Variants in GLIS3 observed in about 807,000 individuals in gnomAD.
GLIS3 encodes the protein zinc finger protein GLIS3.
Under a neutral mutation model 78.6 loss-of-function variants are expected in GLIS3, and 53 were observed. The ratio of observed to expected loss-of-function variants is 0.67; its 90% confidence interval spans 0.54 to 0.85. The LOEUF (loss-of-function observed/expected upper bound fraction) is 0.85. GLIS3 is among the 40% of genes least tolerant of loss of function. The pLI is 0.00. For missense variants in GLIS3, 1,703 were observed against 1,231.1 expected, an observed-to-expected ratio of 1.38 and a Z score of -5.74; for synonymous variants, 684 against 509.9, an observed-to-expected ratio of 1.34 and a Z score of -4.60.
the GLIS3 span, among the ~76,000 whole-genome samples, chr9:4,410,696 C>T: frequency 1.3e-5 from 2 of 152,144 alleles, no homozygotes; most frequent in Non-Finnish European, 2.9e-5. Context: ...GATCAGGGGA[C>T]GTTGTCAAGG....
intron 7 of GLIS3, chr9:3,898,225 A>G (rs773117178): frequency 1.9e-4 from 43 of 228,240 alleles, no homozygotes; most frequent in Non-Finnish European, 3.2e-4. Context: ...CTTTCCCACA[A>G]TGGTTGGCAA....
chr9:4,480,314 C>G, the GLIS3 span, among the ~76,000 whole-genome samples: 2 of 151,552 alleles, frequency 1.3e-5, no homozygotes, highest in Admixed American at 1.3e-4. Context: ...AAATAACCCT[C>G]CCACCTCAGC....
At chr9:3,864,090 C>A (rs906661254) in intron 8 of GLIS3, among the ~76,000 whole-genome samples, 1 of 151,994 alleles carries the variant, frequency 6.6e-6, no homozygotes, top group Non-Finnish European at 1.5e-5. Context: ...AAGCACCAAA[C>A]TGAAGAAAAT....
chr9:4,382,510 G>A, the GLIS3 span, among the ~76,000 whole-genome samples: 2 of 152,074 alleles, frequency 1.3e-5, no homozygotes, highest in Non-Finnish European at 2.9e-5. Context: ...ACATCATCTT[G>A]CTTAGTCTGA....
intron 8 of GLIS3, among the ~76,000 whole-genome samples, chr9:3,874,897 C>G (rs188611002): frequency 6.6e-6 from 1 of 152,302 alleles, no homozygotes; most frequent in African/African-American, 2.4e-5. Context: ...CCACTGTGGT[C>G]AATCCACAGG....
chr9:4,126,320 G>T (rs1832574353), intron 2 of GLIS3, among the ~76,000 whole-genome samples: 1 of 152,158 alleles, frequency 6.6e-6, no homozygotes, highest in Non-Finnish European at 1.5e-5. Context: ...CACCCAGCAA[G>T]GAAAGTTGAC....
the GLIS3 span, among the ~76,000 whole-genome samples, chr9:4,406,970 G>A: frequency 1.3e-5 from 2 of 152,212 alleles, no homozygotes; most frequent in Middle Eastern, 3.4e-3. Flanking sequence ...AATTACAAAA[G>A]ACCCAGAATA....
At chr9:3,861,593 T>A (rs1478740331) in intron 8 of GLIS3, among the ~76,000 whole-genome samples, 2 of 151,998 alleles carry the variant, frequency 1.3e-5, no homozygotes, top group African/African-American at 4.8e-5. Flanking sequence ...CACCATGAAA[T>A]ACTATGCACC....
At chr9:4,247,764 TTAA>T (rs1823935032) in intron 2 of GLIS3, among the ~76,000 whole-genome samples, 2 of 144,300 alleles carry the variant, frequency 1.4e-5, no homozygotes, top group Non-Finnish European at 2.9e-5. Context: ...AAAAACTAAA[TTAA>T]GAGAAGTTTT....
chr9:4,482,350 G>C, the GLIS3 span, among the ~76,000 whole-genome samples: 1 of 152,218 alleles, frequency 6.6e-6, no homozygotes, highest in Non-Finnish European at 1.5e-5. Flanking sequence ...TGTCGTGAAA[G>C]TTTAATGAGT....
At chr9:4,415,706 T>C in the GLIS3 span, among the ~76,000 whole-genome samples, 1 of 152,208 alleles carries the variant, frequency 6.6e-6, no homozygotes, top group Admixed American at 6.5e-5. Flanking sequence ...CTTTTGAAAT[T>C]CTTGATCAAA....
At chr9:4,189,072 C>T (rs1360745811) in intron 2 of GLIS3, among the ~76,000 whole-genome samples, 1 of 151,788 alleles carries the variant, frequency 6.6e-6, no homozygotes, top group East Asian at 1.9e-4. Flanking sequence ...TTTTCTAGTT[C>T]TTTTAATTGT....
intron 4 of GLIS3, among the ~76,000 whole-genome samples, chr9:3,965,099 T>C (rs1012151032): frequency 1.4e-4 from 21 of 151,836 alleles, no homozygotes; most frequent in African/African-American, 5.1e-4. Flanking sequence ...AAATCTCTCC[T>C]AAGGTTTCTA....
At chr9:4,445,418 G>A in the GLIS3 span, among the ~76,000 whole-genome samples, 3 of 152,162 alleles carry the variant, frequency 2.0e-5, no homozygotes, top group Admixed American at 2.0e-4. Context: ...CTTGAGGCCA[G>A]GAGTTCAAGA....
At chr9:3,987,939 G>A (rs1195486341) in intron 4 of GLIS3, among the ~76,000 whole-genome samples, 1 of 151,946 alleles carries the variant, frequency 6.6e-6, no homozygotes, top group Non-Finnish European at 1.5e-5. Flanking sequence ...AACGATACAT[G>A]AACATCAATT....
At chr9:4,238,012 T>C (rs574792883) in intron 2 of GLIS3, among the ~76,000 whole-genome samples, 2 of 152,316 alleles carry the variant, frequency 1.3e-5, no homozygotes, top group African/African-American at 2.4e-5. Flanking sequence ...AATTTCTACC[T>C]AGGAATGTTC....
At chr9:4,420,673 A>C in the GLIS3 span, among the ~76,000 whole-genome samples, 1 of 152,192 alleles carries the variant, frequency 6.6e-6, no homozygotes, top group Non-Finnish European at 1.5e-5. Flanking sequence ...TCTTTTGAAC[A>C]AGAAGCATGG....
At chr9:4,409,065 G>C in the GLIS3 span, among the ~76,000 whole-genome samples, 931 of 152,094 alleles carry the variant, frequency 6.1e-3, 7 homozygotes, top group Non-Finnish European at 9.3e-3. Context: ...AAAAAAACAA[G>C]GTGTAACTTA....
the GLIS3 span, among the ~76,000 whole-genome samples, chr9:4,450,534 G>C: frequency 2.1e-3 from 314 of 152,150 alleles, no homozygotes; most frequent in Non-Finnish European, 2.5e-3. Flanking sequence ...ACAACCCCAA[G>C]ACACATAATT....
Sources: gnomAD v4.1 joint callset for allele counts (sites outside exome capture counted in the v4.1 genomes callset) on GRCh38, gnomAD v4.1.1 for gene constraint, MANE v1.5 for transcripts, NCBI Gene and HGNC (gene_info 2026-07-23, HGNC 2026-07-21) for gene names.